The following BST1 variants were observed in gnomAD, a reference collection of about 807,000 sequenced individuals.
BST1 encodes the protein bone marrow stromal cell antigen 1.
A neutral mutation model predicts 40.6 loss-of-function variants in BST1; 49 were observed. The ratio of observed to expected loss-of-function variants is 1.21; its 90% CI spans 0.96 to 1.53. BST1 has a LOEUF of 1.53. Among genes scored for constraint, BST1 ranks in the 40% most tolerant of loss-of-function variants. BST1 has a pLI of 0.00. For missense variants in BST1, 423 were observed against 395.9 expected (o/e 1.07, Z -0.58); for synonymous variants, 157 against 159.3 (o/e 0.99, Z 0.11).
the BST1 span, among the ~76,000 whole-genome samples, chr4:15,770,934 C>T: frequency 6.6e-6 from 1 of 152,208 alleles, no homozygotes; most frequent in Non-Finnish European, 1.5e-5. Flanking sequence ...AGAAGCTTTA[C>T]TATTTGCCCA....
chr4:15,715,314 C>T lies in BST1; in HGVS notation c.564C>T (p.His188=), dbSNP rs202151419. Reference sequence around the variant, plus strand: ...CCAAGGATAGTTCTGGGGTGATCCACGTCATGCTGAATGGTTCAGAGCCAA... The same window carrying T: ...CCAAGGATAGTTCTGGGGTGATCCATGTCATGCTGAATGGTTCAGAGCCAA... The part of the protein sequence containing the change: ...QYSKDSSGVI[H]VMLNGSEPTG... Residue 188 remains histidine, a synonymous_variant, in exon 5 of 9, where the codon CAC becomes CAT. Coordinates refer to ENST00000265016, the MANE Select transcript of BST1 (RefSeq NM_004334.3). 6.2e-6 allele frequency: 10 copies of T among 1,614,082 alleles called. No homozygotes were observed. Among genetic ancestry groups the T allele is most frequent in the African/African-American group, 2.7e-5 (2 of 75,046 alleles).
At chr4:15,761,708 T>A in the BST1 span, among the ~76,000 whole-genome samples, 1 of 152,032 alleles carries the variant, frequency 6.6e-6, no homozygotes, top group Middle Eastern at 3.4e-3. Context: ...AGAAATTCCT[T>A]CTCCTGGGTG....
At chr4:15,769,906 T>C in the BST1 span, among the ~76,000 whole-genome samples, 1 of 152,074 alleles carries the variant, frequency 6.6e-6, no homozygotes, top group African/African-American at 2.4e-5. Flanking sequence ...GTGGCACGAT[T>C]TCAGTTCACT....
the BST1 span, among the ~76,000 whole-genome samples, chr4:15,747,038 G>C: frequency 6.6e-6 from 1 of 152,128 alleles, no homozygotes; most frequent in Non-Finnish European, 1.5e-5. Context: ...GGGAAGGGTT[G>C]GGAGAATCAC....
the BST1 span, among the ~76,000 whole-genome samples, chr4:15,766,024 T>A: frequency 5.3e-5 from 8 of 152,060 alleles, 1 homozygote; most frequent in African/African-American, 1.9e-4. Flanking sequence ...GGGATGGAAG[T>A]CAAAAGAATT....
the BST1 span, among the ~76,000 whole-genome samples, chr4:15,763,005 T>C: frequency 6.6e-6 from 1 of 152,046 alleles, no homozygotes; most frequent in Non-Finnish European, 1.5e-5. Context: ...TTGTGAATAA[T>C]GCTGTAATGA....
At chr4:15,731,670 A>C in intron 8 of BST1, 70 bp from the exon 9 acceptor site, 1 of 1,520,734 alleles carries the variant, frequency 6.6e-7, no homozygotes, top group Non-Finnish European at 9.0e-7. Flanking sequence ...CTAATACTGC[A>C]CATATATTTT....
the BST1 span, among the ~76,000 whole-genome samples, chr4:15,752,465 T>C: frequency 6.6e-6 from 1 of 151,830 alleles, no homozygotes; most frequent in African/African-American, 2.4e-5. Context: ...CTCGGCTCAC[T>C]GCAACCCCCG....
At chr4:15,770,055 G>C in the BST1 span, among the ~76,000 whole-genome samples, 3 of 152,104 alleles carry the variant, frequency 2.0e-5, no homozygotes, top group African/African-American at 7.2e-5. Context: ...GGCCAGGCTG[G>C]TCTCGAACTC....
chr4:15,707,755 G>C, intron 3 of BST1, 109 bp downstream of exon 3: 2 of 1,352,630 alleles, frequency 1.5e-6, no homozygotes, highest in Non-Finnish European at 2.0e-6. Flanking sequence ...TCCTCTCCAA[G>C]TCCTCTGAGA....
intron 6 of BST1, 85 bp downstream of exon 6, chr4:15,715,884 A>AAACTGAAAAT: frequency 9.8e-7 from 1 of 1,019,852 alleles, no homozygotes; most frequent in Non-Finnish European, 1.4e-6. Context: ...TAACATTTTC[A>AAACTGAAAAT]GTTTAGGGGA....
chr4:15,738,363 T>G (rs1204250274), downstream of BST1: 1 of 152,772 alleles, frequency 6.5e-6, no homozygotes, highest in Non-Finnish European at 1.5e-5. Flanking sequence ...AATAATGACG[T>G]CTATAAGTCA....
Position 15,711,839 on chromosome 4 carries a change from G to C in BST1, c.484G>C (p.Asp162His), listed in dbSNP as rs151053148. 1.9e-6 allele frequency: 3 copies of C among 1,614,074 alleles called. No homozygotes were observed. The highest frequency in any genetic ancestry group is 1.6e-4 in the Middle Eastern group (1 of 6,062). Residue 162 changes from aspartate (D) to histidine (H), a missense_variant, in exon 4 of 9, where the codon GAC becomes CAC. Transcript: ENST00000265016. ...LDYQSCPTSE[D>H]CENNPVDSFW... ...TTACCAATCCTGCCCTACATCAGAA[G>C]ACTGTGAAAATAATCCTGTGGATTC...
At chr4:15,740,004 A>C (rs1350310287), downstream of BST1, among the ~76,000 whole-genome samples, 1 of 152,076 alleles carries the variant, frequency 6.6e-6, no homozygotes, top group East Asian at 1.9e-4. Flanking sequence ...ATAAGGATAG[A>C]GAGAGACAGG....
At chr4:15,709,825 C>A (rs1720086695) in intron 3 of BST1, among the ~76,000 whole-genome samples, 1 of 152,026 alleles carries the variant, frequency 6.6e-6, no homozygotes, top group African/African-American at 2.4e-5. Context: ...TTACATAACC[C>A]TGTGATTGGT....
At chr4:15,729,305 A>C (rs979624447) in intron 8 of BST1, among the ~76,000 whole-genome samples, 22 of 152,050 alleles carry the variant, frequency 1.4e-4, no homozygotes, top group African/African-American at 5.3e-4. Context: ...ACAAACAAAA[A>C]ATTGGCTGGG....
chr4:15,711,775 G>A, intron 3 of BST1, 32 bp from the exon 4 acceptor site: 1 of 1,505,280 alleles, frequency 6.6e-7, no homozygotes. Flanking sequence ...ATAATCTTTG[G>A]AATAAAATGT....
intron 1 of BST1, 21 bp downstream of exon 1, chr4:15,703,353 G>A: frequency 6.7e-7 from 1 of 1,484,324 alleles, no homozygotes; most frequent in Non-Finnish European, 8.9e-7. Context: ...CGGCCGGGTG[G>A]AAGGGGAGCC....
chr4:15,750,006 T>C, the BST1 span, among the ~76,000 whole-genome samples: 2 of 149,448 alleles, frequency 1.3e-5, no homozygotes, highest in African/African-American at 4.9e-5. Flanking sequence ...CTTCCCAGCC[T>C]CTGGTAACTA....
Sources: gnomAD v4.1 joint callset for allele counts (sites outside exome capture counted in the v4.1 genomes callset) on GRCh38, gnomAD v4.1.1 for gene constraint, MANE v1.5 for transcripts, NCBI Gene and HGNC (gene_info 2026-07-23, HGNC 2026-07-21) for gene names.